Variants in DYNC1LI1 observed in about 807,000 individuals in gnomAD.
The protein encoded by DYNC1LI1 is cytoplasmic dynein 1 light intermediate chain 1.
Under a neutral mutation model 63.8 loss-of-function variants are expected in DYNC1LI1, and 19 were observed. That is an observed-to-expected ratio of 0.30 (90% CI 0.21 to 0.44). The LOEUF (loss-of-function observed/expected upper bound fraction) is 0.44. Ranked by LOEUF, DYNC1LI1 falls within the 20% of genes least tolerant of loss-of-function variation. The pLI is 1.00. For missense variants in DYNC1LI1, 565 were observed against 630.2 expected, an observed-to-expected ratio of 0.90 and a Z score of 1.11; for synonymous variants, 225 against 232.3, an observed-to-expected ratio of 0.97 and a Z score of 0.28.
intron 1 of DYNC1LI1, 26 bp downstream of exon 1, chr3:32,570,599 G>A: frequency 6.4e-7 from 1 of 1,551,608 alleles, no homozygotes; most frequent in East Asian, 2.4e-5. Flanking sequence ...AGCCAGCGGG[G>A]GCTGAGGGAG....
intron 6 of DYNC1LI1, among the ~76,000 whole-genome samples, 181 bp downstream of exon 6, chr3:32,536,830 T>C (rs1697780790): frequency 6.6e-6 from 1 of 152,176 alleles, no homozygotes; most frequent in South Asian, 2.1e-4. Flanking sequence ...CAATATTTGC[T>C]TTTCTATCTC....
chr3:32,536,620 A>G (rs2125432479), intron 6 of DYNC1LI1, among the ~76,000 whole-genome samples: 1 of 152,294 alleles, frequency 6.6e-6, no homozygotes, highest in African/African-American at 2.4e-5. Flanking sequence ...TATGTGGAGA[A>G]GATGACAACA....
At position 32,528,482 on chromosome 3, in the gene DYNC1LI1, C is replaced by T; in HGVS notation, c.1426G>A (p.Gly476Arg). The change falls in exon 12 of 13, where the codon GGA (glycine) becomes AGA (arginine). Residue 476 changes from glycine (G) to arginine (R), a missense_variant. Physicochemically the swap from Gly to Arg is moderately radical, Grantham distance 125. Transcript: ENST00000273130. Reference sequence around the variant, plus strand: ...GTGGATGGTGGTAAACCACTGCTTCCACCTCCAGCCCCACCTGCAGGGCTA... The same window carrying T: ...GTGGATGGTGGTAAACCACTGCTTCTACCTCCAGCCCCACCTGCAGGGCTA... ...GGSPAGGAGG[G>R]SSGLPPSTKK... is the part of the protein sequence containing the mutation. The T allele has an allele frequency of 1.2e-6, 2 of 1,614,104 alleles. No individual in the cohort carries two copies. The highest frequency in any genetic ancestry group is 1.7e-6 in the Non-Finnish European group (2 of 1,180,014).
intron 2 of DYNC1LI1, among the ~76,000 whole-genome samples, chr3:32,564,598 T>A (rs1698235244): frequency 6.6e-6 from 1 of 152,258 alleles, no homozygotes; most frequent in Non-Finnish European, 1.5e-5. Context: ...TATGCCATCT[T>A]ACTCTCAAAA....
chr3:32,549,489 A>G (rs1438961974), intron 2 of DYNC1LI1, among the ~76,000 whole-genome samples: 1 of 152,052 alleles, frequency 6.6e-6, no homozygotes, highest in African/African-American at 2.4e-5. Context: ...TCTAAGTTAA[A>G]ATGATATCAA....
At chr3:32,537,916 T>TA (rs1697800064) in intron 5 of DYNC1LI1, among the ~76,000 whole-genome samples, 1 of 35,834 alleles carries the variant, frequency 2.8e-5, no homozygotes, top group South Asian at 6.1e-4. Context: ...TATATATAAT[T>TA]TATATATATA....
chr3:32,533,761 G>A (rs748452574), intron 7 of DYNC1LI1, among the ~76,000 whole-genome samples: 1 of 151,534 alleles, frequency 6.6e-6, no homozygotes, highest in Non-Finnish European at 1.5e-5. Context: ...GGGGTCTCAC[G>A]ATGTTGCTCA....
intron 8 of DYNC1LI1, chr3:32,531,970 T>C (rs1697703807): frequency 6.6e-6 from 1 of 152,196 alleles, no homozygotes; most frequent in African/African-American, 2.4e-5. Flanking sequence ...GAGAGTCATG[T>C]TGGAGCTCAA....
In DYNC1LI1 at chr3:32,526,861, G is replaced by A. The variant is rs751239928; in HGVS notation, c.1510C>T (p.Arg504Ter). ...DVHAELDRIT[R>*]KPVTVSPTTP... ...GTGGGAGAAACTGTAACTGGTTTTC[G>A]TGTAATTCTGTCTAGTTCTGCATGA... The change falls in exon 13 of 13, where the codon CGA becomes TGA. Residue 504 changes from arginine to a stop codon, truncating the protein, a stop_gained. Coordinates refer to ENST00000273130, the MANE Select transcript of DYNC1LI1 (RefSeq NM_016141.4). LOFTEE classifies it high-confidence loss of function. 63 of 1,613,846 alleles carry A rather than the reference G, an allele frequency of 3.9e-5. No homozygotes were observed. Among genetic ancestry groups the A allele is most frequent in the Non-Finnish European group, 4.7e-5 (56 of 1,179,928 alleles).
chr3:32,527,788 T>C (rs1255066742), intron 12 of DYNC1LI1, among the ~76,000 whole-genome samples: 1 of 151,966 alleles, frequency 6.6e-6, no homozygotes, highest in Middle Eastern at 3.4e-3. Context: ...ATAAATGAAA[T>C]GTGGTATAGC....
At chr3:32,542,062 G>C (rs1021400296) in intron 4 of DYNC1LI1, among the ~76,000 whole-genome samples, 3 of 152,184 alleles carry the variant, frequency 2.0e-5, no homozygotes, top group Admixed American at 6.5e-5. Context: ...AATAAAAGAA[G>C]GCCAACGTAT....
intron 8 of DYNC1LI1, chr3:32,532,769 C>T (rs1164426600): frequency 8.2e-6 from 6 of 731,604 alleles, no homozygotes; most frequent in African/African-American, 1.9e-5. Context: ...TATAAATATG[C>T]CAAGGGCGAA....
At chr3:32,570,284 C>T (rs968835715) in intron 2 of DYNC1LI1, 62 bp downstream of exon 2, 2 of 1,364,748 alleles carry the variant, frequency 1.5e-6, no homozygotes, top group African/African-American at 1.4e-5. Context: ...AGCTAGCCCG[C>T]GGACCAGGTA....
chr3:32,540,969 C>A, intron 5 of DYNC1LI1, 68 bp downstream of exon 5: 2 of 1,309,946 alleles, frequency 1.5e-6, no homozygotes, highest in South Asian at 1.9e-5. Context: ...TCCAAAAAAC[C>A]TGGAAAACAA....
At chr3:32,561,002 C>CAAAAAAAAAAAAAAAAAAAAAAAAAAA (rs59037467) in intron 2 of DYNC1LI1, among the ~76,000 whole-genome samples, 2 of 26,112 alleles carry the variant, frequency 7.7e-5, no homozygotes, top group Non-Finnish European at 7.1e-5. Context: ...AACTCCGTCT[C>CAAAAAAAAAAAAAAAAAAAAAAAAAAA]AAAAAAAAAA....
intron 2 of DYNC1LI1, among the ~76,000 whole-genome samples, chr3:32,566,253 CAG>C (rs1698258219): frequency 6.6e-6 from 1 of 151,918 alleles, no homozygotes; most frequent in South Asian, 2.1e-4. Context: ...GCCTGGGTGA[CAG>C]AGTAAGACCC....
At chr3:32,530,147 T>G (rs1166614188) in intron 10 of DYNC1LI1, 137 bp downstream of exon 10, 1 of 754,266 alleles carries the variant, frequency 1.3e-6, no homozygotes, top group Non-Finnish European at 2.1e-6. Flanking sequence ...TTTTAAAATC[T>G]CACAAATTAC....
At chr3:32,543,400 T>C (rs1697908719) in intron 4 of DYNC1LI1, among the ~76,000 whole-genome samples, 1 of 127,694 alleles carries the variant, frequency 7.8e-6, no homozygotes, top group South Asian at 2.3e-4. Flanking sequence ...TTTCCTTTCT[T>C]TTTTTTTTTT....
At chr3:32,537,259 G>A in intron 5 of DYNC1LI1, 155 bp from the exon 6 acceptor site, 1 of 411,092 alleles carries the variant, frequency 2.4e-6, no homozygotes, top group East Asian at 3.9e-5. Context: ...AGTACCCTAT[G>A]AACTTTTAGT....
Sources: allele counts gnomAD v4.1 joint callset (sites outside exome capture counted in the v4.1 genomes callset), GRCh38; gene constraint gnomAD v4.1.1; transcripts MANE v1.5; gene names NCBI Gene and HGNC (gene_info 2026-07-23, HGNC 2026-07-21).